DNAH14: variants seen among roughly 807,000 people sequenced by gnomAD.
The protein encoded by DNAH14 is dynein axonemal heavy chain 14, also known as axonemal beta dynein heavy chain 14.
A neutral mutation model predicts 520.9 loss-of-function variants in DNAH14; 478 were observed. That is an observed-to-expected ratio of 0.92 (90% CI 0.85 to 0.99). The LOEUF (loss-of-function observed/expected upper bound fraction) is 0.99, where lower values mean the gene tolerates loss of function less well. DNAH14 is among the 50% of genes least tolerant of loss of function. The probability of loss-of-function intolerance (pLI) is 0.00; values close to 1 mark genes in which losing one functional copy is unlikely to be tolerated. For synonymous variants in DNAH14, 1,581 were observed against 1,757.2 expected (o/e 0.90, Z 2.51); for missense variants, 4,831 against 5,234.5 (o/e 0.92, Z 2.38).
chr1:225,276,959 AAGGAAGGAAGGAAGGAAGGAAGGAAGGG>A (rs2093483759), intron 53 of DNAH14, among the ~76,000 whole-genome samples: 2 of 45,708 alleles, frequency 4.4e-5, no homozygotes, highest in African/African-American at 2.1e-4. Context: ...GGAAGGAAGG[AAGGAAGGAAGGAAGGAAGGAAGGAAGGG>A]AGGGAGGAAG....
chr1:225,150,397 T>TG (rs1455339551), intron 31 of DNAH14, among the ~76,000 whole-genome samples: 1 of 152,220 alleles, frequency 6.6e-6, no homozygotes, highest in Non-Finnish European at 1.5e-5. Context: ...GTTAGGATGA[T>TG]GCTGTTCCCA....
Position 225,351,581 on chromosome 1 carries a change from T to C in DNAH14, c.11297-66T>C, listed in dbSNP as rs560119936. ...GTACATCTTTGTCAAGTATCTACTT[T>C]GTAATGAATAACTAAAAGGTAAAGG... On this transcript the variant is annotated intron_variant, in intron 71 of 85. Transcript: ENST00000682510. The C allele has an allele frequency of 1.5e-5, 18 of 1,165,958 alleles. No homozygotes were observed. In the South Asian group the frequency reaches 3.0e-4, roughly 20 times the overall value. The allele number at this position is 1,165,958 out of a possible 1,614,324, so 72.2% of individuals were successfully genotyped here. A position where few individuals can be genotyped will look rare whatever the true frequency, so the allele number is the denominator to read the frequency against.
intron 17 of DNAH14, among the ~76,000 whole-genome samples, chr1:225,070,254 G>T (rs1280276518): frequency 6.6e-6 from 1 of 151,762 alleles, no homozygotes; most frequent in Non-Finnish European, 1.5e-5. Context: ...CTAACTTTGG[G>T]ATTTGTTTAC....
chr1:225,039,312 G>T (rs1160528273), intron 12 of DNAH14, among the ~76,000 whole-genome samples: 6 of 152,064 alleles, frequency 3.9e-5, no homozygotes, highest in African/African-American at 1.4e-4. Flanking sequence ...CTTTGCTTTT[G>T]TTCAAAGCAT....
intron 27 of DNAH14, among the ~76,000 whole-genome samples, chr1:225,138,149 A>G (rs1346120161): frequency 1.3e-5 from 2 of 152,102 alleles, no homozygotes; most frequent in Non-Finnish European, 2.9e-5. Flanking sequence ...GCTCTGTGGA[A>G]CCAAGGACCT....
intron 83 of DNAH14, among the ~76,000 whole-genome samples, chr1:225,391,867 C>A (rs941882110): frequency 6.6e-6 from 1 of 152,124 alleles, no homozygotes; most frequent in African/African-American, 2.4e-5. Flanking sequence ...CAGAGCCTTC[C>A]TTTTCTCAGT....
chr1:225,075,584 C>T (rs1178483166), intron 17 of DNAH14, among the ~76,000 whole-genome samples: 3 of 151,292 alleles, frequency 2.0e-5, no homozygotes, highest in African/African-American at 4.9e-5. Flanking sequence ...TATTTTTAAC[C>T]TGGGTGTGGT....
At chr1:224,963,872 T>C (rs2060990840) in intron 4 of DNAH14, among the ~76,000 whole-genome samples, 1 of 152,154 alleles carries the variant, frequency 6.6e-6, no homozygotes. Flanking sequence ...TCCAATGCTG[T>C]TTGTAAGTTC....
chr1:225,259,330 T>A (rs2092851043), intron 46 of DNAH14, 77 bp downstream of exon 46: 6 of 1,056,438 alleles, frequency 5.7e-6, no homozygotes, highest in Non-Finnish European at 7.5e-6. Context: ...TGCCTGTTTT[T>A]AAAAAAAGCA....
Position 225,232,207 on chromosome 1 carries a change from G to A in DNAH14, c.6518+1056G>A, listed in dbSNP as rs1574168197. 6.6e-6 allele frequency among the ~76,000 whole-genome samples: 1 copy of A among 151,272 alleles called. No individual in the cohort carries two copies. Among genetic ancestry groups the A allele is most frequent in the Non-Finnish European group, 1.5e-5 (1 of 67,800 alleles). On this transcript the variant is annotated intron_variant, in intron 42 of 85. Transcript: ENST00000682510. The surrounding 1 kb of genome is among the most constrained non-coding windows in gnomAD (Gnocchi z 4.2). ...ACATGTTTAGTTCATTGTGCATATA[G>A]CTATTCTTATTTCTTTTCACTGCTA...
chr1:225,227,138 C>T (rs1349239344), intron 41 of DNAH14, among the ~76,000 whole-genome samples: 2 of 151,998 alleles, frequency 1.3e-5, no homozygotes, highest in Non-Finnish European at 2.9e-5. Context: ...AGGCCTTCCT[C>T]TTTCACTAAT....
At chr1:225,360,141 T>C (rs1202624445) in intron 74 of DNAH14, among the ~76,000 whole-genome samples, 1 of 152,230 alleles carries the variant, frequency 6.6e-6, no homozygotes, top group Non-Finnish European at 1.5e-5. Context: ...GATAGTGGCT[T>C]CCATCTCCAC....
chr1:225,244,216 A>G (rs761836016), intron 43 of DNAH14, among the ~76,000 whole-genome samples: 1 of 152,100 alleles, frequency 6.6e-6, no homozygotes. Flanking sequence ...CTTGATTGTC[A>G]TGGGTAAGAT....
chr1:225,271,160 A>G (rs2093305961), intron 50 of DNAH14, among the ~76,000 whole-genome samples: 1 of 152,162 alleles, frequency 6.6e-6, no homozygotes. Context: ...AGGAATCTGC[A>G]TTTTTAACAC....
chr1:225,165,741 TC>T (rs1171710455), intron 35 of DNAH14, among the ~76,000 whole-genome samples: 1 of 151,692 alleles, frequency 6.6e-6, no homozygotes, highest in African/African-American at 2.4e-5. Flanking sequence ...CCACCACCAT[TC>T]CCAGCTAATT....
intron 17 of DNAH14, among the ~76,000 whole-genome samples, chr1:225,077,610 C>A (rs2072461225): frequency 6.6e-6 from 1 of 152,114 alleles, no homozygotes; most frequent in Non-Finnish European, 1.5e-5. Context: ...CATTGTAAGT[C>A]TATTACTGAA....
intron 52 of DNAH14, among the ~76,000 whole-genome samples, chr1:225,274,039 T>C (rs1298625588): frequency 6.6e-6 from 1 of 152,118 alleles, no homozygotes; most frequent in Non-Finnish European, 1.5e-5. Flanking sequence ...TTCCTTTGGA[T>C]ATATACCCAC....
At chr1:225,384,729 ATAAT>A (rs2095820732) in intron 81 of DNAH14, among the ~76,000 whole-genome samples, 1 of 152,184 alleles carries the variant, frequency 6.6e-6, no homozygotes, top group Admixed American at 6.5e-5. Flanking sequence ...AATTGAGGCA[ATAAT>A]TAATAGCCTA....
intron 27 of DNAH14, among the ~76,000 whole-genome samples, chr1:225,129,939 C>A (rs567990772): frequency 7.9e-4 from 121 of 152,206 alleles, no homozygotes; most frequent in Non-Finnish European, 1.5e-3. Context: ...GGCTAATATC[C>A]AGAATCTACA....
Sources: allele counts gnomAD v4.1 joint callset (sites outside exome capture counted in the v4.1 genomes callset), GRCh38; gene constraint gnomAD v4.1.1; non-coding constraint Gnocchi (gnomAD v3.1); transcripts MANE v1.5; gene names NCBI Gene and HGNC (gene_info 2026-07-23, HGNC 2026-07-21).